Variants in STK32B observed in about 807,000 individuals in gnomAD.
STK32B encodes the protein serine/threonine-protein kinase 32B.
Under a neutral mutation model 52.6 loss-of-function variants are expected in STK32B, and 43 were observed. That is an observed-to-expected ratio of 0.82 (90% confidence interval 0.64 to 1.05). The LOEUF (loss-of-function observed/expected upper bound fraction) is 1.05, where lower values mean the gene tolerates loss of function less well. STK32B is among the 50% of genes least tolerant of loss of function. The pLI, the probability that STK32B is intolerant of heterozygous loss-of-function variation, is 0.00. For missense variants in STK32B, 621 were observed against 534.6 expected, an observed-to-expected ratio of 1.16 and a Z score of -1.59; for synonymous variants, 238 against 204.3, an observed-to-expected ratio of 1.17 and a Z score of -1.41.
chr4:5,167,470 A>G (rs1369221930), intron 2 of STK32B, among the ~76,000 whole-genome samples: 1 of 152,052 alleles, frequency 6.6e-6, no homozygotes, highest in Non-Finnish European at 1.5e-5. Context: ...CTCCCCCAGA[A>G]CCCATGTGCC....
intron 3 of STK32B, among the ~76,000 whole-genome samples, chr4:5,282,419 T>C (rs925464313): frequency 6.6e-6 from 1 of 152,182 alleles, no homozygotes; most frequent in Admixed American, 6.5e-5. Flanking sequence ...TGAAGTTTAA[T>C]TTCTAAATTA....
At chr4:5,287,982 G>C (rs1728659362) in intron 3 of STK32B, among the ~76,000 whole-genome samples, 1 of 152,062 alleles carries the variant, frequency 6.6e-6, no homozygotes. Flanking sequence ...AGATTTGCTT[G>C]TTCCATAAAA....
chr4:5,319,012 G>A (rs962097199), intron 3 of STK32B, among the ~76,000 whole-genome samples: 6 of 152,120 alleles, frequency 3.9e-5, no homozygotes, highest in Admixed American at 1.3e-4. Flanking sequence ...CACTGTGTTT[G>A]CGAGGATGGT....
intron 11 of STK32B, among the ~76,000 whole-genome samples, chr4:5,473,512 G>C (rs1718005093): frequency 6.6e-6 from 1 of 152,158 alleles, no homozygotes; most frequent in Non-Finnish European, 1.5e-5. Flanking sequence ...GCCCAGAGTG[G>C]ATTAAGGGCA....
intron 3 of STK32B, among the ~76,000 whole-genome samples, chr4:5,312,999 C>T (rs1730409941): frequency 6.6e-6 from 1 of 151,840 alleles, no homozygotes; most frequent in Non-Finnish European, 1.5e-5. Context: ...ATCCTGATAA[C>T]AAAAGCAGAT....
the STK32B span, among the ~76,000 whole-genome samples, chr4:5,019,815 A>G: frequency 1.3e-5 from 2 of 152,044 alleles, no homozygotes; most frequent in African/African-American, 4.8e-5. Context: ...GTCAGAGGAG[A>G]GGAGTGGGCA....
chr4:5,166,523 T>C (rs1718881522), intron 2 of STK32B, among the ~76,000 whole-genome samples: 1 of 148,284 alleles, frequency 6.7e-6, no homozygotes, highest in Non-Finnish European at 1.5e-5. Context: ...GGTGTCCTTA[T>C]AAGAAGATGA....
intron 3 of STK32B, among the ~76,000 whole-genome samples, chr4:5,221,844 GA>G (rs1723557251): frequency 1.1e-5 from 1 of 92,256 alleles, no homozygotes; most frequent in African/African-American, 4.8e-5. Flanking sequence ...GACAGAGCAA[GA>G]CTCTGTCTCA....
intron 1 of STK32B, among the ~76,000 whole-genome samples, chr4:5,089,372 T>C (rs1712922556): frequency 6.6e-6 from 1 of 152,114 alleles, no homozygotes; most frequent in African/African-American, 2.4e-5. Flanking sequence ...GTGTGTGTTG[T>C]TCCCTTCTCT....
At chr4:5,369,896 G>T (rs1413793648) in intron 4 of STK32B, among the ~76,000 whole-genome samples, 1 of 151,034 alleles carries the variant, frequency 6.6e-6, no homozygotes, top group Non-Finnish European at 1.5e-5. Flanking sequence ...TTTTTTTTGA[G>T]ACGGCGTCTT....
chr4:5,283,644 T>A (rs1292588450), intron 3 of STK32B, among the ~76,000 whole-genome samples: 1 of 152,104 alleles, frequency 6.6e-6, no homozygotes, highest in East Asian at 1.9e-4. Context: ...TTCAACAGAT[T>A]TCTCAGCAGA....
chr4:5,022,306 T>C, the STK32B span, among the ~76,000 whole-genome samples: 2 of 152,168 alleles, frequency 1.3e-5, no homozygotes, highest in Admixed American at 6.5e-5. Flanking sequence ...TGAATGGACT[T>C]GGTGACTACT....
chr4:5,177,045 A>G lies in STK32B; in HGVS notation c.260+8595A>G, dbSNP rs572637295. 2.6e-5 allele frequency among the ~76,000 whole-genome samples: 4 copies of G among 152,302 alleles called. No individual in the cohort carries two copies. In the South Asian group the frequency reaches 8.3e-4, roughly 32 times the overall value. On this transcript the variant is annotated intron_variant, in intron 3 of 11. Coordinates refer to ENST00000282908, the MANE Select transcript of STK32B (RefSeq NM_018401.3). ...TTAACTGAAAAGAAGACATGAAAGT[A>G]TATTTTCTGTAAGTAAAAATATTGT...
chr4:5,371,958 G>A lies in STK32B; in HGVS notation c.435-26249G>A, dbSNP rs560972221. 1.7e-3 allele frequency among the ~76,000 whole-genome samples: 260 copies of A among 152,278 alleles called. 1 individual carries two copies. Among genetic ancestry groups the A allele is most frequent in the African/African-American group, 5.1e-3 (212 of 41,554 alleles). ...GCACCTCCATGCAGAACACACACAG[G>A]TGACTGCAGAGATGTCCTTCTGGGC... On this transcript the variant is annotated intron_variant, in intron 4 of 11. Coordinates refer to ENST00000282908, the MANE Select transcript of STK32B (RefSeq NM_018401.3).
At chr4:5,223,037 C>T (rs1723637595) in intron 3 of STK32B, among the ~76,000 whole-genome samples, 1 of 152,136 alleles carries the variant, frequency 6.6e-6, no homozygotes, top group Non-Finnish European at 1.5e-5. Flanking sequence ...GGTCTTAGAG[C>T]TCAGGACCAT....
intron 3 of STK32B, among the ~76,000 whole-genome samples, chr4:5,216,026 T>C (rs192846975): frequency 2.6e-5 from 4 of 152,338 alleles, no homozygotes; most frequent in Admixed American, 2.6e-4. Context: ...CTAGTTTTGC[T>C]TTTTGTGGTT....
At chr4:5,389,024 A>G (rs573043735) in intron 4 of STK32B, among the ~76,000 whole-genome samples, 2 of 152,344 alleles carry the variant, frequency 1.3e-5, no homozygotes, top group South Asian at 4.1e-4. Context: ...ACCCCCAAGC[A>G]TGGCTTGACT....
At chr4:5,366,934 C>A (rs1049145545) in intron 4 of STK32B, among the ~76,000 whole-genome samples, 2 of 152,110 alleles carry the variant, frequency 1.3e-5, no homozygotes, top group Non-Finnish European at 2.9e-5. Flanking sequence ...CCACACCCCT[C>A]CCATTTAGCA....
At chr4:5,387,117 A>G (rs28664574) in intron 4 of STK32B, among the ~76,000 whole-genome samples, 1,719 of 152,310 alleles carry the variant, frequency 0.011, 21 homozygotes, top group South Asian at 0.058. Flanking sequence ...GTCACAATTA[A>G]CTATGATTAA....
Sources: gnomAD v4.1 joint callset for allele counts (sites outside exome capture counted in the v4.1 genomes callset) on GRCh38, gnomAD v4.1.1 for gene constraint, MANE v1.5 for transcripts, NCBI Gene and HGNC (gene_info 2026-07-23, HGNC 2026-07-21) for gene names.